The following SHTN1 variants were observed in gnomAD, a reference collection of about 807,000 sequenced individuals.
The protein encoded by SHTN1 is shootin-1.
SHTN1 carries 42 observed loss-of-function variants against 83.1 expected under a neutral mutation model. That is an observed-to-expected ratio of 0.51 (90% CI 0.39 to 0.65). The LOEUF (loss-of-function observed/expected upper bound fraction) is 0.65. Ranked by LOEUF, SHTN1 falls within the 30% of genes least tolerant of loss-of-function variation. The pLI, the probability that SHTN1 is intolerant of heterozygous loss-of-function variation, is 0.00. For synonymous variants in SHTN1, 224 were observed against 247.7 expected (o/e 0.90, Z 0.90); for missense variants, 622 against 737.8 (o/e 0.84, Z 1.82).
At chr10:117,092,817 G>C (rs1432770468) in intron 1 of SHTN1, among the ~76,000 whole-genome samples, 4 of 152,170 alleles carry the variant, frequency 2.6e-5, no homozygotes. Context: ...AGAGACTGAG[G>C]CTGAAGGGTT....
intron 8 of SHTN1, 117 bp from the exon 9 acceptor site, chr10:116,940,729 T>C (rs1238357569): frequency 1.7e-5 from 13 of 754,546 alleles, no homozygotes; most frequent in Non-Finnish European, 2.6e-5. Flanking sequence ...AGGCAAATTC[T>C]GACTTCTATA....
chr10:116,900,135 C>G (rs953318582), intron 16 of SHTN1, among the ~76,000 whole-genome samples: 1 of 152,176 alleles, frequency 6.6e-6, no homozygotes, highest in African/African-American at 2.4e-5. Flanking sequence ...TGGTAAATTA[C>G]TGTCAATATG....
chr10:117,025,594 A>G (rs1295206347), intron 2 of SHTN1, among the ~76,000 whole-genome samples: 1 of 152,162 alleles, frequency 6.6e-6, no homozygotes, highest in East Asian at 1.9e-4. Flanking sequence ...AGGGAGTGTC[A>G]GCATCACCCT....
At chr10:117,006,410 C>CA (rs1442744126), upstream of SHTN1, among the ~76,000 whole-genome samples, 2 of 151,446 alleles carry the variant, frequency 1.3e-5, no homozygotes, top group Non-Finnish European at 2.9e-5. Context: ...ACTAAAAATA[C>CA]AAAAAATTAG....
intron 2 of SHTN1, among the ~76,000 whole-genome samples, chr10:117,033,930 C>G (rs188121757): frequency 6.6e-6 from 1 of 150,392 alleles, no homozygotes; most frequent in East Asian, 2.0e-4. Flanking sequence ...AAAAACCATA[C>G]GATCATTTCA....
At chr10:116,922,661 T>TCTTA (rs1281857374) in intron 11 of SHTN1, among the ~76,000 whole-genome samples, 1 of 152,088 alleles carries the variant, frequency 6.6e-6, no homozygotes, top group Non-Finnish European at 1.5e-5. Context: ...CATGGATGAA[T>TCTTA]CTTACAAAAT....
chr10:117,088,372 A>AAT (rs780422438), intron 1 of SHTN1, among the ~76,000 whole-genome samples: 6 of 152,352 alleles, frequency 3.9e-5, no homozygotes, highest in Middle Eastern at 3.4e-3. Flanking sequence ...GCATTGCCTA[A>AAT]ATATTGGTAG....
intron 11 of SHTN1, among the ~76,000 whole-genome samples, chr10:116,927,357 C>T (rs953980706): frequency 6.6e-6 from 1 of 152,024 alleles, no homozygotes; most frequent in Non-Finnish European, 1.5e-5. Flanking sequence ...AAGATATACC[C>T]GAGACTCGGT....
intron 2 of SHTN1, among the ~76,000 whole-genome samples, chr10:117,013,262 C>T (rs1162648001): frequency 6.6e-6 from 1 of 152,100 alleles, no homozygotes; most frequent in Non-Finnish European, 1.5e-5. Flanking sequence ...GCAACCTCTG[C>T]CTCCCTGGTT....
chr10:117,029,880 GTC>G (rs199787591), intron 2 of SHTN1, among the ~76,000 whole-genome samples: 5 of 135,436 alleles, frequency 3.7e-5, no homozygotes, highest in African/African-American at 1.4e-4. Flanking sequence ...CTCTCTCTCT[GTC>G]TCTCTCTCTT....
rs531970751 is a variant in SHTN1 at position 116,966,401 on chromosome 10, ACT to A, written c.172+2249_172+2250del. ...AGAGAGTAAGAAAAAAAGAATTAGT[ACT>A]CTGTTTTCCTAACATCCAAACCTTA... On this transcript the variant is annotated intron_variant, in intron 3 of 16. Coordinates refer to ENST00000355371, the MANE Select transcript of SHTN1 (RefSeq NM_001127211.3). Among the ~76,000 whole-genome samples the A allele has an allele frequency of 7.4e-4, 113 of 152,192 alleles. 2 individuals carry two copies. The South Asian group carries it at 0.022, about 30-fold the overall frequency.
At chr10:117,049,882 A>C (rs190872018) in intron 1 of SHTN1, among the ~76,000 whole-genome samples, 1 of 152,336 alleles carries the variant, frequency 6.6e-6, no homozygotes, top group Non-Finnish European at 1.5e-5. Context: ...AGGGAAATTT[A>C]TACTGCTAAA....
At chr10:116,971,021 T>A (rs1850598588) in intron 2 of SHTN1, among the ~76,000 whole-genome samples, 1 of 152,182 alleles carries the variant, frequency 6.6e-6, no homozygotes, top group Non-Finnish European at 1.5e-5. Flanking sequence ...TACTATTCTC[T>A]GCCCTTTCCT....
At chr10:117,054,879 G>T (rs1852805366) in intron 1 of SHTN1, among the ~76,000 whole-genome samples, 1 of 152,026 alleles carries the variant, frequency 6.6e-6, no homozygotes. Flanking sequence ...TCCATATATT[G>T]ATTTATGTCT....
chr10:117,118,882 G>A (rs1372575185), intron 1 of SHTN1, among the ~76,000 whole-genome samples: 2 of 151,976 alleles, frequency 1.3e-5, no homozygotes, highest in South Asian at 4.2e-4. Context: ...ACCATGACAC[G>A]CATTTACCTA....
intron 15 of SHTN1, among the ~76,000 whole-genome samples, chr10:116,906,201 T>G (rs961827850): frequency 2.0e-5 from 3 of 152,268 alleles, no homozygotes; most frequent in African/African-American, 7.2e-5. Flanking sequence ...CTTTTATTAT[T>G]CTCATTATAT....
chr10:117,057,898 C>T (rs1852847937), intron 1 of SHTN1, among the ~76,000 whole-genome samples: 1 of 152,140 alleles, frequency 6.6e-6, no homozygotes, highest in South Asian at 2.1e-4. Context: ...AAGTATGACC[C>T]ACTCAAGGGA....
At chr10:117,087,967 G>A (rs1159996789) in intron 1 of SHTN1, among the ~76,000 whole-genome samples, 1 of 152,162 alleles carries the variant, frequency 6.6e-6, no homozygotes, top group Non-Finnish European at 1.5e-5. Context: ...GCCAGGTATG[G>A]TGGCATGCAC....
chr10:116,953,812 A>G (rs895015571), intron 5 of SHTN1, among the ~76,000 whole-genome samples: 12 of 151,726 alleles, frequency 7.9e-5, no homozygotes, highest in African/African-American at 2.4e-4. Context: ...ATTTTTTAGT[A>G]GAGACCGGGT....
Sources: gnomAD v4.1 joint callset for allele counts (sites outside exome capture counted in the v4.1 genomes callset) on GRCh38, gnomAD v4.1.1 for gene constraint, MANE v1.5 for transcripts, NCBI Gene and HGNC (gene_info 2026-07-23, HGNC 2026-07-21) for gene names.